RABGAP1L: variants seen among roughly 807,000 people sequenced by gnomAD.
RABGAP1L encodes the protein RAB GTPase activating protein 1 like, also known as rab GTPase-activating protein 1-like.
RABGAP1L carries 63 observed loss-of-function variants against 137.7 expected under a neutral mutation model. That is an observed-to-expected ratio of 0.46 (90% CI 0.37 to 0.56). RABGAP1L has a LOEUF of 0.56. RABGAP1L is among the 20% of genes least tolerant of loss of function. RABGAP1L has a pLI of 0.00. For synonymous variants in RABGAP1L, 431 were observed against 433.7 expected, an observed-to-expected ratio of 0.99 and a Z score of 0.08; for missense variants, 1,095 against 1,244.0, an observed-to-expected ratio of 0.88 and a Z score of 1.80.
chr1:174,463,807 TA>T (rs199920744), intron 13 of RABGAP1L, among the ~76,000 whole-genome samples: 2 of 150,124 alleles, frequency 1.3e-5, no homozygotes, highest in Non-Finnish European at 3.0e-5. Context: ...TACTAAAAAG[TA>T]AAAAAAATAA....
intron 13 of RABGAP1L, among the ~76,000 whole-genome samples, chr1:174,505,496 G>A (rs1408759991): frequency 6.8e-6 from 1 of 147,850 alleles, no homozygotes; most frequent in African/African-American, 2.5e-5. Flanking sequence ...AATGTGTTCT[G>A]AATTTTTGCT....
At chr1:174,279,037 T>C (rs1200857833) in intron 10 of RABGAP1L, among the ~76,000 whole-genome samples, 2 of 152,292 alleles carry the variant, frequency 1.3e-5, no homozygotes, top group South Asian at 2.1e-4. Flanking sequence ...ACAGAAATAT[T>C]GACTGCATAT....
chr1:174,600,936 T>C (rs1260746355), intron 13 of RABGAP1L, among the ~76,000 whole-genome samples: 1 of 152,230 alleles, frequency 6.6e-6, no homozygotes, highest in African/African-American at 2.4e-5. Flanking sequence ...CACTGCCCTA[T>C]CAGAGGTTCC....
At chr1:174,502,330 C>A (rs976785324) in intron 13 of RABGAP1L, among the ~76,000 whole-genome samples, 3 of 151,398 alleles carry the variant, frequency 2.0e-5, no homozygotes, top group African/African-American at 7.3e-5. Flanking sequence ...AAAGAGCTGG[C>A]CAGGTCACTA....
At chr1:174,542,592 C>T (rs1444775446) in intron 13 of RABGAP1L, among the ~76,000 whole-genome samples, 3 of 152,070 alleles carry the variant, frequency 2.0e-5, no homozygotes, top group African/African-American at 7.2e-5. Context: ...TCTCTATCTC[C>T]TTCATTTCTG....
In RABGAP1L at chr1:174,712,240, C is replaced by T. The variant is rs571949776; in HGVS notation, c.2169+9984C>T. On this transcript the variant is annotated intron_variant, in intron 17 of 25. Coordinates refer to ENST00000681986, the MANE Select transcript of RABGAP1L (RefSeq NM_001366446.1). ...TAAAAGCAGGCTGCCCGAGCAGTCA[C>T]CTTCCGGACTGTGGAAGCTTTGTTC... is the stretch of plus-strand genomic sequence containing the variant. Among the ~76,000 whole-genome samples the T allele has an allele frequency of 9.9e-5, 15 of 152,256 alleles. No homozygotes were observed. In the East Asian group the frequency reaches 2.5e-3, roughly 25 times the overall value.
intron 17 of RABGAP1L, among the ~76,000 whole-genome samples, chr1:174,735,515 G>A (rs1682856348): frequency 6.8e-6 from 1 of 146,520 alleles, no homozygotes; most frequent in Non-Finnish European, 1.5e-5. Flanking sequence ...TGGAGCCCAA[G>A]GCAGGAGAAT....
At position 174,194,523 on chromosome 1, in the gene RABGAP1L, C is replaced by G. The variant is rs570002841; in HGVS notation, c.-33-24602C>G. 2.2e-4 allele frequency among the ~76,000 whole-genome samples: 34 copies of G among 152,196 alleles called. No homozygotes were observed. In the South Asian group the frequency reaches 6.8e-3, roughly 31 times the overall value. On this transcript the variant is annotated intron_variant, in intron 1 of 25. Transcript: ENST00000681986. ...TGCTGGGATTATAGGCATGAGCCAC[C>G]GTGCCCGGCCGGCTTCAGTTAATTC...
chr1:174,527,175 G>A (rs1309245632), intron 13 of RABGAP1L, among the ~76,000 whole-genome samples: 2 of 149,784 alleles, frequency 1.3e-5, no homozygotes, highest in African/African-American at 4.9e-5. Flanking sequence ...ATTTCATTGT[G>A]GTCTGAGAAA....
In RABGAP1L at chr1:174,908,587, G is replaced by C. The variant is rs570201537; in HGVS notation, c.2341-48870G>C. 7.1e-5 allele frequency among the ~76,000 whole-genome samples: 10 copies of C among 140,818 alleles called. No individual in the cohort carries two copies. The South Asian group carries it at 1.6e-3, about 22-fold the overall frequency. 92.4% of individuals were successfully genotyped at this position (140,818 alleles called of 152,430 possible). On this transcript the variant is annotated intron_variant, in intron 19 of 25. Coordinates refer to ENST00000681986, the MANE Select transcript of RABGAP1L (RefSeq NM_001366446.1). ...AGAGGGAGTCTCACTTTGTTGCCCA[G>C]GCTGGAGTACAATGGTGCGATCTTG... is the stretch of plus-strand genomic sequence containing the variant.
chr1:174,716,253 G>A (rs1207307601), intron 17 of RABGAP1L, among the ~76,000 whole-genome samples: 1 of 152,136 alleles, frequency 6.6e-6, no homozygotes. Flanking sequence ...TGCATCCATT[G>A]TTTGGCATTT....
chr1:174,708,410 G>A (rs1044345095), intron 17 of RABGAP1L, among the ~76,000 whole-genome samples: 1 of 152,112 alleles, frequency 6.6e-6, no homozygotes, highest in Non-Finnish European at 1.5e-5. Flanking sequence ...CAATGCAGAG[G>A]GTGGGTGATT....
At chr1:174,304,883 G>T (rs1378674689) in intron 10 of RABGAP1L, 103 bp from the exon 11 acceptor site, 10 of 1,068,800 alleles carry the variant, frequency 9.4e-6, no homozygotes, top group Middle Eastern at 2.8e-4. Flanking sequence ...AACACAACAC[G>T]CCATTCTTCA....
Position 174,957,954 on chromosome 1 carries a change from G to A in RABGAP1L, c.2433+405G>A, listed in dbSNP as rs762516022. 3.8e-6 allele frequency: 6 copies of A among 1,572,846 alleles called. No individual in the cohort carries two copies. The South Asian group carries it at 7.1e-5, about 19-fold the overall frequency. On this transcript the variant is annotated intron_variant, in intron 20 of 25. Coordinates refer to ENST00000681986, the MANE Select transcript of RABGAP1L (RefSeq NM_001366446.1). Reference sequence around the variant, plus strand: ...ACTGGGAATCTTCATAAGAAGCTGAGAGAAAGAGAGGGGAAAAAGAAAGTG... The same window carrying A: ...ACTGGGAATCTTCATAAGAAGCTGAAAGAAAGAGAGGGGAAAAAGAAAGTG...
chr1:174,416,284 A>G (rs1304291813), intron 13 of RABGAP1L, among the ~76,000 whole-genome samples: 1 of 152,048 alleles, frequency 6.6e-6, no homozygotes, highest in East Asian at 1.9e-4. Context: ...CTATTATTAA[A>G]AAGGAAACTG....
At chr1:174,967,396 GGTGCAATTCTGGCTCACT>G (rs971604481) in intron 20 of RABGAP1L, among the ~76,000 whole-genome samples, 1 of 148,896 alleles carries the variant, frequency 6.7e-6, no homozygotes, top group Non-Finnish European at 1.5e-5. Context: ...GAAGTGCAGT[GGTGCAATTCTGGCTCACT>G]GCAAGCTCTG....
intron 19 of RABGAP1L, among the ~76,000 whole-genome samples, chr1:174,921,008 C>T (rs1329050955): frequency 6.6e-6 from 1 of 152,138 alleles, no homozygotes; most frequent in Non-Finnish European, 1.5e-5. Flanking sequence ...CTGCAGCCTC[C>T]GCCTCCCGGG....
At chr1:174,340,064 G>A (rs1023251495) in intron 11 of RABGAP1L, among the ~76,000 whole-genome samples, 10 of 151,522 alleles carry the variant, frequency 6.6e-5, no homozygotes, top group African/African-American at 2.4e-4. Flanking sequence ...AGTTTTTCTT[G>A]GTGACCTCTT....
intron 13 of RABGAP1L, among the ~76,000 whole-genome samples, chr1:174,516,620 A>G (rs1662880347): frequency 6.6e-6 from 1 of 152,198 alleles, no homozygotes; most frequent in South Asian, 2.1e-4. Flanking sequence ...ATAGATAATT[A>G]CAGTAGATAA....
Sources: gnomAD v4.1 joint callset for allele counts (sites outside exome capture counted in the v4.1 genomes callset) on GRCh38, gnomAD v4.1.1 for gene constraint, MANE v1.5 for transcripts, NCBI Gene and HGNC (gene_info 2026-07-23, HGNC 2026-07-21) for gene names.